MYH7B: variants seen among roughly 807,000 people sequenced by gnomAD.
MYH7B encodes the protein myosin-7B.
In MYH7B, 205 loss-of-function variants were observed where a neutral mutation model predicts 234.5. That is an observed-to-expected ratio of 0.87 (90% CI 0.78 to 0.98). MYH7B has a LOEUF of 0.98. Among genes scored for constraint, MYH7B ranks in the 50% least tolerant of loss-of-function variants. MYH7B has a pLI of 0.00. For missense variants in MYH7B, 2,652 were observed against 2,633.4 expected (o/e 1.01, Z -0.15); for synonymous variants, 1,193 against 1,105.0 (o/e 1.08, Z -1.58).
chr20:34,960,153 T>C (rs1194292984), intron 2 of MYH7B, among the ~76,000 whole-genome samples: 1 of 152,252 alleles, frequency 6.6e-6, no homozygotes, highest in East Asian at 1.9e-4. Context: ...TGTACTTCAC[T>C]GTGAATGGAG....
At chr20:34,976,992 C>T (rs1301633156) in intron 3 of MYH7B, among the ~76,000 whole-genome samples, 2 of 152,058 alleles carry the variant, frequency 1.3e-5, no homozygotes, top group African/African-American at 2.4e-5. Context: ...TGAGTAGAGC[C>T]GAGGGGACAC....
chr20:35,001,358 C>A lies in MYH7B; in HGVS notation c.5580+9C>A. The A allele has an allele frequency of 1.9e-6, 3 of 1,603,804 alleles. No individual in the cohort carries two copies. Among genetic ancestry groups the A allele is most frequent in the Non-Finnish European group, 8.5e-7 (1 of 1,175,610 alleles). On this transcript the variant is annotated intron_variant, in intron 42 of 44. Coordinates refer to ENST00000262873, the Ensembl canonical transcript of MYH7B. ...AGGAGCTCGCATACCAGGTGGGCGA[C>A]AGGGTCTCCCTGGGGAGTGGCCCTG...
rs569093044 is a variant in MYH7B, at chr20:34,980,264, G to C, written c.343-314G>C. On this transcript the variant is annotated intron_variant, in intron 7 of 44. Coordinates refer to ENST00000262873, the Ensembl canonical transcript of MYH7B. ...GTATCCCTCCCAAAACCCTACCTAT[G>C]GGGGGAGAATGTGGTGGCCCATGCC... The C allele has an allele frequency of 1.6e-3, 559 of 343,978 alleles. 2 individuals are homozygous for C. The highest frequency in any genetic ancestry group is 2.2e-3 in the Non-Finnish European group (409 of 184,662). The allele number at this position is 343,978 out of a possible 1,614,324, so 21.3% of individuals were successfully genotyped here. A position where few individuals can be genotyped will look rare whatever the true frequency, so the allele number is the denominator to read the frequency against.
chr20:34,958,447 C>T (rs529001183), intron 2 of MYH7B, among the ~76,000 whole-genome samples: 2 of 152,264 alleles, frequency 1.3e-5, no homozygotes, highest in African/African-American at 4.8e-5. Context: ...GGCTGCCCCA[C>T]CCTATAAGTC....
chr20:34,957,484 CTTTTTTTTTTTTT>C (rs71196770), intron 1 of MYH7B, among the ~76,000 whole-genome samples: 1 of 104,334 alleles, frequency 9.6e-6, no homozygotes, highest in Non-Finnish European at 1.9e-5. Flanking sequence ...CCTTTTGACT[CTTTTTTTTTTTTT>C]TTTTTTTTGA....
At chr20:35,001,814 G>C (rs561598791) in intron 43 of MYH7B, 134 bp from the exon 44 acceptor site, 27 of 1,357,846 alleles carry the variant, frequency 2.0e-5, no homozygotes, top group Admixed American at 1.5e-4. Flanking sequence ...CTGTGGTATT[G>C]GTGAGGATGG....
At chr20:35,001,483 T>G in exon 43 of MYH7B, 1 of 1,610,686 alleles carries the variant, frequency 6.2e-7, no homozygotes, top group African/African-American at 1.3e-5. Flanking sequence ...GTGGACAAGC[T>G]GCAGAGCAAG....
chr20:34,997,033 G>C, intron 30 of MYH7B, 50 bp from the exon 31 acceptor site: 4 of 1,508,420 alleles, frequency 2.7e-6, no homozygotes, highest in Non-Finnish European at 2.7e-6. Context: ...GTCCCAGGCG[G>C]GTGGGTGGGA....
At chr20:34,984,546 G>A in intron 10 of MYH7B, 146 bp from the exon 11 acceptor site, 3 of 712,556 alleles carry the variant, frequency 4.2e-6, no homozygotes, top group Admixed American at 5.7e-5. Flanking sequence ...GTCAGGCCGA[G>A]GGGCTGAGGG....
chr20:34,999,761 CA>C (rs201431658), intron 37 of MYH7B, 29 bp from the exon 38 acceptor site: 62,483 of 992,260 alleles, frequency 0.063, 829 homozygotes, highest in Middle Eastern at 0.081. Context: ...CCCCCCCCCC[CA>C]CCCTACCCTG....
exon 22 of MYH7B, chr20:34,990,302 C>T (rs2082118680): frequency 6.2e-7 from 1 of 1,614,186 alleles, no homozygotes; most frequent in African/African-American, 1.3e-5. Flanking sequence ...GGTGTCCCAG[C>T]TGCACAAGGT....
chr20:35,002,158 G>C lies in MYH7B; in HGVS notation c.5815-19G>C. ...GCTGACAGGTAGTACTGCTCACTCA[G>C]CTATCCCTTTCTCCTCAGCACAAGG... On this transcript the variant is annotated intron_variant, in intron 44 of 44. Coordinates refer to ENST00000262873, the Ensembl canonical transcript of MYH7B. The C allele has an allele frequency of 6.3e-7, 1 of 1,586,488 alleles. No homozygotes were observed. The highest frequency in any genetic ancestry group is 2.2e-5 in the East Asian group (1 of 44,544).
chr20:34,998,493 T>C lies in MYH7B; in HGVS notation c.3875-18T>C. ...GCCCTCACCAGCCTGACCTGTCCGC[T>C]CGCCTCTTTGCCTGCAGGGGAGCTG... On this transcript the variant is annotated intron_variant, in intron 33 of 44. Coordinates refer to ENST00000262873, the Ensembl canonical transcript of MYH7B. 2 of 1,613,214 alleles carry C rather than the reference T, an allele frequency of 1.2e-6. No homozygotes were observed. The highest frequency in any genetic ancestry group is 1.7e-6 in the Non-Finnish European group (2 of 1,179,978).
At chr20:34,978,076 T>C in exon 5 of MYH7B, 1 of 1,613,828 alleles carries the variant, frequency 6.2e-7, no homozygotes, top group African/African-American at 1.3e-5. Flanking sequence ...ATGACGAAGG[T>C]GCACACTATC....
At chr20:34,980,267 G>A in intron 7 of MYH7B, 1 of 348,056 alleles carries the variant, frequency 2.9e-6, no homozygotes. Flanking sequence ...TACCTATGGG[G>A]GGAGAATGTG....
At position 34,999,690 on chromosome 20, in the gene MYH7B, G is replaced by A. The variant is rs778267782; in HGVS notation, c.4660G>A (p.Ala1554Thr). The stretch of plus-strand genomic sequence containing the variant: ...TGAGATCCAGGCTGCACTGGAGGAG[G>A]CAGAGGTCAGGGGCTGGCTGCAGGG... The change falls in exon 37 of 45, where the codon GCA becomes ACA. Residue 1554 changes from alanine to threonine, a missense_variant. Physicochemically the swap from Ala to Thr is moderately conservative, Grantham distance 58. Transcript: ENST00000262873. 1.2e-6 allele frequency: 2 copies of A among 1,613,392 alleles called. No individual in the cohort carries two copies. Among genetic ancestry groups the A allele is most frequent in the Admixed American group, 3.3e-5 (2 of 59,972 alleles).
At position 34,985,982 on chromosome 20, in the gene MYH7B, G is replaced by A. The variant is rs1170496093; in HGVS notation, c.806-118G>A. 7.5e-6 allele frequency: 6 copies of A among 803,432 alleles called. No homozygotes were observed. In the South Asian group the frequency reaches 7.9e-5, roughly 11 times the overall value. The allele number at this position is 803,432 out of a possible 1,614,324, so 49.8% of individuals were successfully genotyped here. The stretch of plus-strand genomic sequence containing the variant: ...ATACCCTCCCCACACAAGCTGGCAG[G>A]TGCAGATGCAGCCCCCCTGCACACT... On this transcript the variant is annotated intron_variant, in intron 13 of 44. Coordinates refer to ENST00000262873, the Ensembl canonical transcript of MYH7B.
At chr20:35,000,893 T>C in exon 40 of MYH7B, 3 of 1,604,396 alleles carry the variant, frequency 1.9e-6, no homozygotes, top group East Asian at 2.2e-5. Context: ...CCATCACTGA[T>C]GTGAGGCTGG....
chr20:34,997,305 C>G, exon 32 of MYH7B: 1 of 1,553,420 alleles, frequency 6.4e-7, no homozygotes, highest in South Asian at 1.2e-5. Flanking sequence ...AGCCCGGGCC[C>G]GCGTGGAGAA....
Sources: gnomAD v4.1 joint callset for allele counts (sites outside exome capture counted in the v4.1 genomes callset) on GRCh38, gnomAD v4.1.1 for gene constraint, MANE v1.5 for transcripts, NCBI Gene and HGNC (gene_info 2026-07-23, HGNC 2026-07-21) for gene names.